Variants in AKT3 observed in about 807,000 individuals in gnomAD.
The protein encoded by AKT3 is AKT serine/threonine kinase 3.
In AKT3, 15 loss-of-function variants were observed where a neutral mutation model predicts 65.3. That is an observed-to-expected ratio of 0.23 (90% CI 0.15 to 0.35). The LOEUF (loss-of-function observed/expected upper bound fraction) is 0.35. Ranked by LOEUF, AKT3 falls within the 10% of genes least tolerant of loss-of-function variation. AKT3 has a pLI of 1.00. For missense variants in AKT3, 243 were observed against 576.5 expected (o/e 0.42, Z 5.92); for synonymous variants, 206 against 183.8 (o/e 1.12, Z -0.98).
chr1:243,738,255 G>A (rs1054840741), intron 2 of AKT3, among the ~76,000 whole-genome samples: 4 of 152,178 alleles, frequency 2.6e-5, no homozygotes, highest in African/African-American at 9.7e-5. Context: ...TGAGCCCAGT[G>A]GCTGCCTGTG....
intron 2 of AKT3, among the ~76,000 whole-genome samples, chr1:243,728,808 C>A (rs1404004884): frequency 6.6e-6 from 1 of 152,166 alleles, no homozygotes; most frequent in Non-Finnish European, 1.5e-5. Context: ...CCAGACATCC[C>A]AGAAGAGGTA....
intron 2 of AKT3, among the ~76,000 whole-genome samples, chr1:243,724,649 T>C (rs1687103165): frequency 6.6e-6 from 1 of 152,136 alleles, no homozygotes; most frequent in South Asian, 2.1e-4. Flanking sequence ...CTAATTTCAT[T>C]TTCTGGAAAA....
At chr1:243,730,932 T>C (rs992704416) in intron 2 of AKT3, among the ~76,000 whole-genome samples, 3 of 152,190 alleles carry the variant, frequency 2.0e-5, no homozygotes, top group Non-Finnish European at 2.9e-5. Context: ...GGCCGGACCC[T>C]GTGTTAGCTC....
At chr1:243,776,762 C>T (rs987557404) in intron 2 of AKT3, among the ~76,000 whole-genome samples, 6 of 152,156 alleles carry the variant, frequency 3.9e-5, no homozygotes, top group African/African-American at 1.4e-4. Flanking sequence ...CAACTTTTAA[C>T]CAGTACTGTT....
intron 2 of AKT3, among the ~76,000 whole-genome samples, chr1:243,832,964 A>G (rs1486640503): frequency 6.6e-6 from 1 of 152,168 alleles, no homozygotes; most frequent in Non-Finnish European, 1.5e-5. Flanking sequence ...ATACTGCTAT[A>G]AAGAACTGCC....
chr1:243,836,363 T>A (rs1024415019), intron 2 of AKT3, among the ~76,000 whole-genome samples: 2 of 150,940 alleles, frequency 1.3e-5, no homozygotes, highest in African/African-American at 2.4e-5. Flanking sequence ...AAGCCTCTAA[T>A]AATAGAGCTT....
Position 243,774,151 on chromosome 1 carries a change from T to C in AKT3, c.46+68974A>G, listed in dbSNP as rs549675776. Among the ~76,000 whole-genome samples, 4 of 152,354 alleles carry C rather than the reference T, an allele frequency of 2.6e-5. No individual in the cohort carries two copies. The East Asian group carries it at 7.7e-4, about 29-fold the overall frequency. On this transcript the variant is annotated intron_variant, in intron 2 of 13. Coordinates refer to ENST00000673466, the MANE Select transcript of AKT3 (RefSeq NM_005465.7). ...CCCATCTAACAGAATAAGCTCTACA[T>C]AAATTCATTGAAAATTCATAAATTC...
chr1:243,580,348 C>G (rs1359975062), intron 8 of AKT3, among the ~76,000 whole-genome samples: 1 of 152,194 alleles, frequency 6.6e-6, no homozygotes, highest in African/African-American at 2.4e-5. Context: ...CTTTGTTTCT[C>G]CCAGTCCTGG....
intron 2 of AKT3, among the ~76,000 whole-genome samples, chr1:243,789,679 C>T (rs764079444): frequency 7.2e-5 from 11 of 152,120 alleles, no homozygotes; most frequent in Non-Finnish European, 1.5e-4. Flanking sequence ...GAGTCCTTTC[C>T]GGAAAGTTTT....
chr1:243,676,709 T>C (rs1683544415), intron 3 of AKT3, among the ~76,000 whole-genome samples: 1 of 152,238 alleles, frequency 6.6e-6, no homozygotes, highest in Non-Finnish European at 1.5e-5. Flanking sequence ...CATCTCTGGC[T>C]CGTCCTTCTC....
intron 3 of AKT3, among the ~76,000 whole-genome samples, chr1:243,679,015 T>A (rs1019723371): frequency 1.3e-5 from 2 of 152,094 alleles, no homozygotes; most frequent in Admixed American, 1.3e-4. Context: ...CTTCTCTTTC[T>A]CCTCCTCCTC....
chr1:243,849,172 G>T (rs1217200390), intron 1 of AKT3, among the ~76,000 whole-genome samples: 1 of 152,162 alleles, frequency 6.6e-6, no homozygotes, highest in East Asian at 1.9e-4. Flanking sequence ...TGGCTGATGC[G>T]GACCGATGCG....
chr1:243,700,135 C>A (rs1685353025), intron 2 of AKT3, among the ~76,000 whole-genome samples: 1 of 152,172 alleles, frequency 6.6e-6, no homozygotes, highest in Admixed American at 6.5e-5. Context: ...ACACTATGAC[C>A]AATGGCTTGC....
At chr1:243,836,464 C>G (rs1418594079) in intron 2 of AKT3, among the ~76,000 whole-genome samples, 2 of 149,216 alleles carry the variant, frequency 1.3e-5, no homozygotes, top group African/African-American at 4.9e-5. Flanking sequence ...AGTCACAGAA[C>G]TAGAGGAAAA....
At chr1:243,803,407 CAT>C (rs539885415) in intron 2 of AKT3, among the ~76,000 whole-genome samples, 7 of 152,036 alleles carry the variant, frequency 4.6e-5, no homozygotes, top group Non-Finnish European at 8.8e-5. Context: ...AAGTTATCCA[CAT>C]AGAGTTACTT....
chr1:243,804,624 A>T (rs1390682438), intron 2 of AKT3, among the ~76,000 whole-genome samples: 1 of 152,188 alleles, frequency 6.6e-6, no homozygotes, highest in Non-Finnish European at 1.5e-5. Context: ...AGGCGGATGG[A>T]TCACGAGGTC....
At position 243,492,492 on chromosome 1, in the gene AKT3, C is replaced by T. The variant is rs1278067119; in HGVS notation, c.*7-4042G>A. ...AATTTTTTTGTATTTTTAATAGAAA[C>T]GGGGTTTCGCCATGTTGGCCAGGCT... is the stretch of plus-strand genomic sequence containing the variant. On this transcript the variant is annotated intron_variant, in intron 13 of 13. Coordinates refer to the AKT3 transcript ENST00000336199. Among the ~76,000 whole-genome samples, 5 of 150,578 alleles carry T rather than the reference C, an allele frequency of 3.3e-5. No homozygotes were observed. The South Asian group carries it at 6.3e-4, about 19-fold the overall frequency.
intron 2 of AKT3, among the ~76,000 whole-genome samples, chr1:243,749,875 A>T (rs747372539): frequency 1.3e-5 from 2 of 152,174 alleles, no homozygotes; most frequent in African/African-American, 2.4e-5. Context: ...CCACAAAGTC[A>T]CCAATGAGGT....
rs115730278 is a variant in AKT3, at chr1:243,572,502, T to C, written c.819+424A>G. On this transcript the variant is annotated intron_variant, in intron 9 of 13. Transcript: ENST00000673466. The stretch of plus-strand genomic sequence containing the variant: ...ATAAAACACGAGGCACATTAATAAA[T>C]GGTTATTATATTAAAATGCTTCAGG... 5.7e-3 allele frequency among the ~76,000 whole-genome samples: 872 copies of C among 152,276 alleles called. 12 individuals carry two copies. Among genetic ancestry groups the C allele is most frequent in the African/African-American group, 0.02 (822 of 41,548 alleles).
Sources: gnomAD v4.1 joint callset for allele counts (sites outside exome capture counted in the v4.1 genomes callset) on GRCh38, gnomAD v4.1.1 for gene constraint, MANE v1.5 for transcripts, NCBI Gene and HGNC (gene_info 2026-07-23, HGNC 2026-07-21) for gene names.